The following HPCAL1 variants were observed in gnomAD, a reference collection of about 807,000 sequenced individuals.
HPCAL1 encodes hippocalcin like 1, also known as hippocalcin-like protein 1.
HPCAL1 carries 8 observed loss-of-function variants against 17.1 expected under a neutral mutation model. The ratio of observed to expected loss-of-function variants is 0.47; its 90% confidence interval spans 0.27 to 0.84. The LOEUF (loss-of-function observed/expected upper bound fraction) is 0.84, where lower values mean the gene tolerates loss of function less well. Ranked by LOEUF, HPCAL1 falls within the 40% of genes least tolerant of loss-of-function variation. The pLI is 0.13. For missense variants in HPCAL1, 165 were observed against 271.1 expected (o/e 0.61, Z 2.75); for synonymous variants, 112 against 111.4 (o/e 1.01, Z -0.03).
rs991431056 is a variant in HPCAL1, at chr2:10,344,981, C to T, written c.-111+41804C>T. 1.3e-5 allele frequency among the ~76,000 whole-genome samples: 2 copies of T among 151,680 alleles called. No homozygotes were observed. The highest frequency in any genetic ancestry group is 4.9e-5 in the African/African-American group (2 of 41,226). On this transcript the variant is annotated intron_variant, in intron 1 of 4. Transcript: ENST00000307845. The surrounding 1 kb of genome is among the most constrained non-coding windows in gnomAD (Gnocchi z 4.9). ...TATGTGTCCATCTCTCTCTCTTTTT[C>T]TGTGTGTCTCTCTCTCTGTGCCTTT...
At position 10,323,355 on chromosome 2, in the gene HPCAL1, G is replaced by A. The variant is rs369853869; in HGVS notation, c.-111+20178G>A. On this transcript the variant is annotated intron_variant, in intron 1 of 4. Coordinates refer to ENST00000307845, the MANE Select transcript of HPCAL1 (RefSeq NM_002149.4). This position sits in a 1 kb window ranked among gnomAD's most constrained non-coding sequence, Gnocchi z 4.6. ...TAGAGCACCTTTCAGGGGGAATGGC[G>A]TAAAAAAGCCTTCCTTTCCAGTAGA... is the stretch of plus-strand genomic sequence containing the variant. Among the ~76,000 whole-genome samples, 10 of 152,336 alleles carry A rather than the reference G, an allele frequency of 6.6e-5. No homozygotes were observed. The highest frequency in any genetic ancestry group is 1.4e-4 in the African/African-American group (6 of 41,576).
intron 1 of HPCAL1, among the ~76,000 whole-genome samples, chr2:10,390,516 A>AT: frequency 6.6e-6 from 1 of 151,960 alleles, no homozygotes; most frequent in African/African-American, 2.4e-5. Context: ...CTCCATTATA[A>AT]TTTTTTCTCC....
At chr2:10,422,667 C>T (rs1671137265) in intron 3 of HPCAL1, among the ~76,000 whole-genome samples, 1 of 152,166 alleles carries the variant, frequency 6.6e-6, no homozygotes, top group Non-Finnish European at 1.5e-5. Context: ...TCTGTGACCA[C>T]CACTCTCCCT....
rs116012168 is a variant in HPCAL1 at position 10,384,203 on chromosome 2, C to T, written c.-110-12632C>T. Among the ~76,000 whole-genome samples the T allele has an allele frequency of 0.034, 5,249 of 152,162 alleles. 130 individuals carry two copies. Among genetic ancestry groups the T allele is most frequent in the Middle Eastern group, 0.085 (25 of 294 alleles). The stretch of plus-strand genomic sequence containing the variant: ...GGTGGGGACAAGGTGAGGGAGGTGG[C>T]GGCCCGGCAGGAAGGTCATTTCTTT... On this transcript the variant is annotated intron_variant, in intron 1 of 4. Transcript: ENST00000307845. This position sits in a 1 kb window ranked among gnomAD's most constrained non-coding sequence, Gnocchi z 4.4.
At chr2:10,407,864 A>C (rs1670067104) in intron 2 of HPCAL1, among the ~76,000 whole-genome samples, 1 of 152,212 alleles carries the variant, frequency 6.6e-6, no homozygotes, top group South Asian at 2.1e-4. Context: ...GGAAAAAGAC[A>C]AAGAAGTGAC....
In HPCAL1 at chr2:10,310,721, C is replaced by T. The variant is rs1662901207; in HGVS notation, c.-111+7544C>T. On this transcript the variant is annotated intron_variant, in intron 1 of 4. Transcript: ENST00000307845. The surrounding 1 kb of genome is among the most constrained non-coding windows in gnomAD (Gnocchi z 4.5). ...CTGTGAGTGTGTGCAGAGCATGGAT[C>T]GGGTCTGGGAGTGTTCGTGCTGGCA... 6.6e-6 allele frequency among the ~76,000 whole-genome samples: 1 copy of T among 152,076 alleles called. No individual in the cohort carries two copies. The highest frequency in any genetic ancestry group is 2.1e-4 in the South Asian group (1 of 4,822).
intron 1 of HPCAL1, among the ~76,000 whole-genome samples, chr2:10,388,849 C>A (rs1377893779): frequency 6.6e-6 from 1 of 152,138 alleles, no homozygotes; most frequent in Non-Finnish European, 1.5e-5. Context: ...TGTGTGCCCC[C>A]AAATTCCTGT....
chr2:10,410,278 C>T (rs969329759), intron 2 of HPCAL1, among the ~76,000 whole-genome samples: 1 of 152,132 alleles, frequency 6.6e-6, no homozygotes, highest in Non-Finnish European at 1.5e-5. Context: ...GACAATCAAG[C>T]CCTCGGTTCC....
At position 10,342,532 on chromosome 2, in the gene HPCAL1, G is replaced by A. The variant is rs1449910299; in HGVS notation, c.-111+39355G>A. Among the ~76,000 whole-genome samples, 1 of 152,224 alleles carries A rather than the reference G, an allele frequency of 6.6e-6. No homozygotes were observed. Among genetic ancestry groups the A allele is most frequent in the Admixed American group, 6.5e-5 (1 of 15,292 alleles). On this transcript the variant is annotated intron_variant, in intron 1 of 4. Coordinates refer to ENST00000307845, the MANE Select transcript of HPCAL1 (RefSeq NM_002149.4). The surrounding 1 kb of genome is among the most constrained non-coding windows in gnomAD (Gnocchi z 4.1). ...GGGAGGGTGGGAGGGGACTCCCAGG[G>A]AGCGGGGCTTGTGCTGGACTTTGCA...
chr2:10,423,118 T>G, intron 4 of HPCAL1, 30 bp downstream of exon 4: 1 of 1,495,754 alleles, frequency 6.7e-7, no homozygotes, highest in Non-Finnish European at 9.3e-7. Flanking sequence ...GGGCTGCATG[T>G]GTACGCCACG....
At chr2:10,364,147 G>T (rs568147054) in intron 1 of HPCAL1, among the ~76,000 whole-genome samples, 3 of 152,312 alleles carry the variant, frequency 2.0e-5, no homozygotes, top group Middle Eastern at 3.4e-3. Flanking sequence ...GCCCTGCCTG[G>T]GTGCACAGGC....
At chr2:10,378,486 T>A (rs1460422345) in intron 1 of HPCAL1, among the ~76,000 whole-genome samples, 1 of 152,116 alleles carries the variant, frequency 6.6e-6, no homozygotes, top group African/African-American at 2.4e-5. Flanking sequence ...GTCCGCATTG[T>A]CAGGTTCTGG....
chr2:10,403,506 C>A (rs1173361287), intron 2 of HPCAL1, among the ~76,000 whole-genome samples: 1 of 144,454 alleles, frequency 6.9e-6, no homozygotes, highest in African/African-American at 2.5e-5. Context: ...GTGTGTGTGA[C>A]GGAGTCTTGC....
chr2:10,315,682 C>T (rs1244017577), intron 1 of HPCAL1, among the ~76,000 whole-genome samples: 1 of 152,174 alleles, frequency 6.6e-6, no homozygotes, highest in African/African-American at 2.4e-5. Context: ...TGAAATTCAA[C>T]ACTGAGCAAA....
rs1558517495 is a variant in HPCAL1, at chr2:10,399,238, CCAT to C, written c.-25+2321_-25+2323del. Among the ~76,000 whole-genome samples, 39 of 77,774 alleles carry C rather than the reference CCAT, an allele frequency of 5.0e-4. 1 individual carries two copies. The highest frequency in any genetic ancestry group is 6.3e-4 in the East Asian group (2 of 3,196). 51.0% of individuals were successfully genotyped at this position (77,774 alleles called of 152,430 possible). On this transcript the variant is annotated intron_variant, in intron 2 of 4. Transcript: ENST00000307845. Reference sequence around the variant, plus strand: ...ACCACCACCACCACCACCACCACCACCATCACCACCACCACCACCACCATCACC... The same window carrying C: ...ACCACCACCACCACCACCACCACCACCACCACCACCACCACCACCATCACC...
At chr2:10,381,370 T>C (rs1314239934) in intron 1 of HPCAL1, among the ~76,000 whole-genome samples, 1 of 152,204 alleles carries the variant, frequency 6.6e-6, no homozygotes, top group Non-Finnish European at 1.5e-5. Context: ...CTCCAGCAAG[T>C]TTCCTCCCAC....
intron 1 of HPCAL1, among the ~76,000 whole-genome samples, chr2:10,389,075 GC>G (rs1435269678): frequency 6.6e-6 from 1 of 152,142 alleles, no homozygotes; most frequent in Admixed American, 6.5e-5. Context: ...CTACAACAGG[GC>G]CAGGGTAGAA....
chr2:10,360,693 C>T (rs953926359), intron 1 of HPCAL1, among the ~76,000 whole-genome samples: 1 of 152,158 alleles, frequency 6.6e-6, no homozygotes, highest in Non-Finnish European at 1.5e-5. Flanking sequence ...CTTGAGCCAC[C>T]ATGCCGCCCG....
At chr2:10,421,658 A>G (rs1671070548) in intron 3 of HPCAL1, among the ~76,000 whole-genome samples, 1 of 152,194 alleles carries the variant, frequency 6.6e-6, no homozygotes, top group South Asian at 2.1e-4. Flanking sequence ...CTGTGATTGC[A>G]CTGCTGCATT....
Sources: allele counts gnomAD v4.1 joint callset (sites outside exome capture counted in the v4.1 genomes callset), GRCh38; gene constraint gnomAD v4.1.1; non-coding constraint Gnocchi (gnomAD v3.1); transcripts MANE v1.5; gene names NCBI Gene and HGNC (gene_info 2026-07-23, HGNC 2026-07-21).